LHX5: variants seen among roughly 807,000 people sequenced by gnomAD.
LHX5 encodes the protein LIM/homeobox protein Lhx5.
Under a neutral mutation model 30.6 loss-of-function variants are expected in LHX5, and 5 were observed. That is an observed-to-expected ratio of 0.16 (90% confidence interval 0.09 to 0.34). The LOEUF (loss-of-function observed/expected upper bound fraction) is 0.34. Ranked by LOEUF, LHX5 falls within the 10% of genes least tolerant of loss-of-function variation. The probability of loss-of-function intolerance (pLI) is 1.00; values close to 1 mark genes in which losing one functional copy is unlikely to be tolerated. For synonymous variants in LHX5, 266 were observed against 252.6 expected (o/e 1.05, Z -0.50); for missense variants, 458 against 570.6 (o/e 0.80, Z 2.01).
rs531133418 is a variant in LHX5, at chr12:113,471,796, G to T, written c.-298C>A. On this transcript the variant is annotated 5_prime_UTR_variant, in exon 1 of 5. Transcript: ENST00000261731. ...GGGTGGCTGCTGGCCTCGGCGCTGC[G>T]GAGCGGCTTTCCCCGGTGGCGGAGG... 59 of 392,400 alleles carry T rather than the reference G, an allele frequency of 1.5e-4. No individual in the cohort carries two copies. In the South Asian group the frequency reaches 1.7e-3, roughly 12 times the overall value. 24.3% of individuals were successfully genotyped at this position (392,400 alleles called of 1,614,324 possible).
chr12:113,468,473 G>T, intron 2 of LHX5, 69 bp from the exon 3 acceptor site: 2 of 1,496,456 alleles, frequency 1.3e-6, no homozygotes, highest in Non-Finnish European at 1.8e-6. Flanking sequence ...CAGTCCAGTG[G>T]CGGGTTCCCG....
chr12:113,469,897 G>A (rs1958237787), intron 1 of LHX5, among the ~76,000 whole-genome samples: 1 of 152,248 alleles, frequency 6.6e-6, no homozygotes, highest in African/African-American at 2.4e-5. Flanking sequence ...CTGATTTCCA[G>A]TACCAATGGA....
Position 113,463,511 on chromosome 12 carries a change from G to A in LHX5, c.888C>T (p.Phe296=). ...GCGCCTGCGAAGGCGGGCCGTGCGC[G>A]AAGAAGTCGTAGTTGCTTCCCGGCG... ...YYAPGSNYDF[F]AHGPPSQAQS... Residue 296 remains phenylalanine (F), a synonymous_variant, in exon 5 of 5, where the codon TTC becomes TTT. Coordinates refer to ENST00000261731, the MANE Select transcript of LHX5 (RefSeq NM_022363.3). The surrounding 1 kb of genome is among the most constrained non-coding windows in gnomAD (Gnocchi z 6.7). 1.9e-6 allele frequency: 3 copies of A among 1,564,374 alleles called. No individual in the cohort carries two copies. The highest frequency in any genetic ancestry group is 2.6e-6 in the Non-Finnish European group (3 of 1,162,982).
rs1162941804 is a variant in LHX5, at chr12:113,463,061, CG to C, written c.*128del. The C allele has an allele frequency of 1.6e-5, 13 of 805,294 alleles. No individual in the cohort carries two copies. The highest frequency in any genetic ancestry group is 2.0e-5 in the Non-Finnish European group (11 of 550,618). The allele number at this position is 805,294 out of a possible 1,614,324, so 49.9% of individuals were successfully genotyped here. A position where few individuals can be genotyped will look rare whatever the true frequency, so the allele number is the denominator to read the frequency against. On this transcript the variant is annotated 3_prime_UTR_variant, in exon 5 of 5. Coordinates refer to ENST00000261731, the MANE Select transcript of LHX5 (RefSeq NM_022363.3). The surrounding 1 kb of genome is among the most constrained non-coding windows in gnomAD (Gnocchi z 6.7). ...CCGAGGAGCAGCTGCCAGTTGAGTG[CG>C]GACCCGAGAGAGAACCCCCGAGGGA...
In LHX5 at chr12:113,464,746, A is replaced by G. The variant is rs780090267; in HGVS notation, c.842-1189T>C. Among the ~76,000 whole-genome samples the G allele has an allele frequency of 6.6e-6, 1 of 152,190 alleles. No individual in the cohort carries two copies. The highest frequency in any genetic ancestry group is 1.5e-5 in the Non-Finnish European group (1 of 68,024). On this transcript the variant is annotated intron_variant, in intron 4 of 4. Transcript: ENST00000261731. The surrounding 1 kb of genome is among the most constrained non-coding windows in gnomAD (Gnocchi z 6.2). ...TGAGATCTTTTGAGAAGCTGGTGAT[A>G]GCTATGGGCTCTCTCTCAAGGAAAA...
chr12:113,467,518 C>A lies in LHX5; in HGVS notation c.676-97G>T. 1 of 1,135,064 alleles carries A rather than the reference C, an allele frequency of 8.8e-7. No individual in the cohort carries two copies. The highest frequency in any genetic ancestry group is 1.2e-6 in the Non-Finnish European group (1 of 848,418). The allele number at this position is 1,135,064 out of a possible 1,614,324, so 70.3% of individuals were successfully genotyped here. ...CTGGGCTGCCCCTGCTGGGTCCTTG[C>A]GCCTCTTCCGCACCAGGACTCCCCC... On this transcript the variant is annotated intron_variant, in intron 3 of 4. Coordinates refer to ENST00000261731, the MANE Select transcript of LHX5 (RefSeq NM_022363.3). The surrounding 1 kb of genome is among the most constrained non-coding windows in gnomAD (Gnocchi z 6.3).
chr12:113,469,400 A>C (rs769220250), intron 1 of LHX5, 55 bp from the exon 2 acceptor site: 240 of 1,534,656 alleles, frequency 1.6e-4, no homozygotes, highest in Non-Finnish European at 2.1e-4. Context: ...AGCCCTCCCC[A>C]GCCCCTGACC....
rs956706450 is a variant in LHX5, at chr12:113,465,416, G to A, written c.841+1840C>T. Among the ~76,000 whole-genome samples, 2 of 152,168 alleles carry A rather than the reference G, an allele frequency of 1.3e-5. No individual in the cohort carries two copies. Among genetic ancestry groups the A allele is most frequent in the African/African-American group, 4.8e-5 (2 of 41,456 alleles). On this transcript the variant is annotated intron_variant, in intron 4 of 4. Coordinates refer to ENST00000261731, the MANE Select transcript of LHX5 (RefSeq NM_022363.3). The surrounding 1 kb of genome is among the most constrained non-coding windows in gnomAD (Gnocchi z 6.7). ...ATTGGAACAAACGCCGTCTGAAAAGGGCACAAAAGCCGCAGCTGGGGCTTT... is the reference window on the plus strand; with the variant it reads ...ATTGGAACAAACGCCGTCTGAAAAGAGCACAAAAGCCGCAGCTGGGGCTTT...
Position 113,462,511 on chromosome 12 carries a change from C to T in LHX5, c.*679G>A, listed in dbSNP as rs1261529292. The T allele has an allele frequency of 6.6e-6, 1 of 152,024 alleles. No homozygotes were observed. Among genetic ancestry groups the T allele is most frequent in the Non-Finnish European group, 1.5e-5 (1 of 68,048 alleles). The allele number at this position is 152,024 out of a possible 1,614,324, so 9.4% of individuals were successfully genotyped here. ...CACTTCCTGACCCACAGCCCTATTC[C>T]TAGAGAAGCTGACCTTGAGCCTCAA... On this transcript the variant is annotated 3_prime_UTR_variant, in exon 5 of 5. Transcript: ENST00000261731.
intron 1 of LHX5, 121 bp downstream of exon 1, chr12:113,471,205 C>T: frequency 9.6e-7 from 1 of 1,044,712 alleles, no homozygotes; most frequent in Non-Finnish European, 1.4e-6. Flanking sequence ...GCTGCCCGCT[C>T]CCCATCTAAG....
chr12:113,470,200 C>T (rs1573956), intron 1 of LHX5, among the ~76,000 whole-genome samples: 3,069 of 152,120 alleles, frequency 0.02, 38 homozygotes, highest in South Asian at 0.046. Context: ...GGGTGAGGCT[C>T]AGGTTGGGGG....
Position 113,468,205 on chromosome 12 carries a change from G to A in LHX5, c.597C>T (p.Phe199=), listed in dbSNP as rs1958226384. Residue 199 remains phenylalanine (F), a synonymous_variant, in exon 3 of 5, where the codon TTC becomes TTT. Transcript: ENST00000261731. ...AKQLETLKAA[F]AATPKPTRHI... ...GGCGCGTGGGCTTGGGCGTGGCGGCGAAGGCAGCCTTGAGCGTCTCCAGCT... is the reference window on the plus strand; with the variant it reads ...GGCGCGTGGGCTTGGGCGTGGCGGCAAAGGCAGCCTTGAGCGTCTCCAGCT... The A allele has an allele frequency of 1.9e-6, 3 of 1,613,512 alleles. No individual in the cohort carries two copies. Among genetic ancestry groups the A allele is most frequent in the Non-Finnish European group, 2.5e-6 (3 of 1,179,798 alleles).
chr12:113,462,216 TA>T lies in LHX5; in HGVS notation c.*973del, dbSNP rs750083699. ...TAACTAGAGTACAATAAATAAACAGTAAACACAAAAACATACTTTATTTGTT... is the reference window on the plus strand; with the variant it reads ...TAACTAGAGTACAATAAATAAACAGTAACACAAAAACATACTTTATTTGTT... On this transcript the variant is annotated 3_prime_UTR_variant, in exon 5 of 5. Coordinates refer to ENST00000261731, the MANE Select transcript of LHX5 (RefSeq NM_022363.3). 6 of 152,102 alleles carry T rather than the reference TA, an allele frequency of 3.9e-5. No homozygotes were observed. The highest frequency in any genetic ancestry group is 8.8e-5 in the Non-Finnish European group (6 of 68,016). The allele number at this position is 152,102 out of a possible 1,614,324, so 9.4% of individuals were successfully genotyped here.
Position 113,463,189 on chromosome 12 carries a change from C to T in LHX5, c.*1G>A, listed in dbSNP as rs1406853181. 2 of 1,511,392 alleles carry T rather than the reference C, an allele frequency of 1.3e-6. No individual in the cohort carries two copies. The highest frequency in any genetic ancestry group is 8.8e-7 in the Non-Finnish European group (1 of 1,136,978). The allele number at this position is 1,511,392 out of a possible 1,614,324, so 93.6% of individuals were successfully genotyped here. On this transcript the variant is annotated 3_prime_UTR_variant, in exon 5 of 5. Coordinates refer to ENST00000261731, the MANE Select transcript of LHX5 (RefSeq NM_022363.3). This position sits in a 1 kb window ranked among gnomAD's most constrained non-coding sequence, Gnocchi z 6.7. ...CGAGCGCGGGGGGCGGCCCGGCGGC[C>T]TTACCACACGGCGGCTTCGTTGAGC...
rs933126503 is a variant in LHX5, at chr12:113,467,957, T to G, written c.675+170A>C. Among the ~76,000 whole-genome samples the G allele has an allele frequency of 6.6e-6, 1 of 152,196 alleles. No homozygotes were observed. The highest frequency in any genetic ancestry group is 2.4e-5 in the African/African-American group (1 of 41,458). Reference sequence around the variant, plus strand: ...AGGACAGCAGGGCTAGATGGAATCTTTCGGTTCACAGTCCCCGACCTCGGG... The same window carrying G: ...AGGACAGCAGGGCTAGATGGAATCTGTCGGTTCACAGTCCCCGACCTCGGG... On this transcript the variant is annotated intron_variant, in intron 3 of 4. Transcript: ENST00000261731. This position sits in a 1 kb window ranked among gnomAD's most constrained non-coding sequence, Gnocchi z 6.3.
In LHX5 at chr12:113,463,158, G is replaced by A. The variant is rs951234979; in HGVS notation, c.*32C>T. 34 of 1,463,780 alleles carry A rather than the reference G, an allele frequency of 2.3e-5. No individual in the cohort carries two copies. The highest frequency in any genetic ancestry group is 2.9e-5 in the Non-Finnish European group (32 of 1,117,286). 90.7% of individuals were successfully genotyped at this position (1,463,780 alleles called of 1,614,324 possible). On this transcript the variant is annotated 3_prime_UTR_variant, in exon 5 of 5. Coordinates refer to ENST00000261731, the MANE Select transcript of LHX5 (RefSeq NM_022363.3). The surrounding 1 kb of genome is among the most constrained non-coding windows in gnomAD (Gnocchi z 6.7). ...GAGGCTGCTTCGGGGCGGGGCCCCC[G>A]GGGGCCGAGCGCGGGGGGCGGCCCG...
At chr12:113,468,611 G>C (rs545333938) in intron 2 of LHX5, among the ~76,000 whole-genome samples, 1 of 152,216 alleles carries the variant, frequency 6.6e-6, no homozygotes, top group African/African-American at 2.4e-5. Flanking sequence ...GGCCTTTGGA[G>C]GGGCGCTCTT....
In LHX5 at chr12:113,468,272, C is replaced by G; in HGVS notation, c.530G>C (p.Gly177Ala). The change falls in exon 3 of 5, where the codon GGC becomes GCC. Residue 177 changes from glycine to alanine, a missense_variant. By Grantham distance (60) the Gly-to-Ala change is moderately conservative. Coordinates refer to ENST00000261731, the MANE Select transcript of LHX5 (RefSeq NM_022363.3). ...GGTGCGGGGGCCGCGCCGCTTGGTG[C>G]CCGAGTTCTGCTCCTCGTTCTCGTT... ...ANNENEEQNS[G>A]TKRRGPRTTI... The G allele has an allele frequency of 6.2e-7, 1 of 1,614,120 alleles. No individual in the cohort carries two copies. The highest frequency in any genetic ancestry group is 1.1e-5 in the South Asian group (1 of 91,088).
rs1029231651 is a variant in LHX5, at chr12:113,465,081, G to A, written c.842-1524C>T. On this transcript the variant is annotated intron_variant, in intron 4 of 4. Transcript: ENST00000261731. The surrounding 1 kb of genome is among the most constrained non-coding windows in gnomAD (Gnocchi z 6.7). ...AGTCCTGGGATCTCAGTCAAGGGGCGAATTCCTGATGCCCCCTGCCACCCT... is the reference window on the plus strand; with the variant it reads ...AGTCCTGGGATCTCAGTCAAGGGGCAAATTCCTGATGCCCCCTGCCACCCT... Among the ~76,000 whole-genome samples the A allele has an allele frequency of 6.6e-6, 1 of 152,190 alleles. No individual in the cohort carries two copies. Among genetic ancestry groups the A allele is most frequent in the Non-Finnish European group, 1.5e-5 (1 of 68,028 alleles).
Sources: allele counts gnomAD v4.1 joint callset (sites outside exome capture counted in the v4.1 genomes callset), GRCh38; gene constraint gnomAD v4.1.1; non-coding constraint Gnocchi (gnomAD v3.1); transcripts MANE v1.5; gene names NCBI Gene and HGNC (gene_info 2026-07-23, HGNC 2026-07-21).